Variants in MOB3B observed in about 807,000 individuals in gnomAD.
The protein encoded by MOB3B is MOB kinase activator-like 2B.
MOB3B carries 7 observed loss-of-function variants against 18.7 expected under a neutral mutation model. That is an observed-to-expected ratio of 0.37 (90% CI 0.21 to 0.70). MOB3B has a LOEUF of 0.70. MOB3B is among the 30% of genes least tolerant of loss of function. MOB3B has a pLI of 0.52. For synonymous variants in MOB3B, 111 were observed against 99.9 expected (o/e 1.11, Z -0.66); for missense variants, 253 against 281.3 (o/e 0.90, Z 0.72).
intron 3 of MOB3B, among the ~76,000 whole-genome samples, chr9:27,351,186 AGCCACCAC>A (rs1821100606): frequency 6.6e-6 from 1 of 152,082 alleles, no homozygotes; most frequent in African/African-American, 2.4e-5. Context: ...TACAGGCGTG[AGCCACCAC>A]GCCTGGCCCA....
chr9:27,488,755 T>C (rs1186064528), intron 1 of MOB3B, among the ~76,000 whole-genome samples: 1 of 152,212 alleles, frequency 6.6e-6, no homozygotes, highest in Non-Finnish European at 1.5e-5. Context: ...CGAGTAGCAC[T>C]GACAACCAAA....
intron 2 of MOB3B, among the ~76,000 whole-genome samples, chr9:27,382,877 T>C (rs931075828): frequency 7.2e-5 from 11 of 152,058 alleles, no homozygotes; most frequent in African/African-American, 2.4e-4. Context: ...CACAATAATC[T>C]CATGAACTTC....
chr9:27,504,807 T>C (rs1198819779), intron 1 of MOB3B, among the ~76,000 whole-genome samples: 1 of 152,246 alleles, frequency 6.6e-6, no homozygotes, highest in Non-Finnish European at 1.5e-5. Context: ...AAGGTGATTT[T>C]ACAGTTTGGA....
chr9:27,478,810 GACACACACACAC>G (rs34976107), intron 1 of MOB3B, among the ~76,000 whole-genome samples: 28 of 141,408 alleles, frequency 2.0e-4, no homozygotes, highest in Admixed American at 7.8e-4. Context: ...GGATTAAAAA[GACACACACACAC>G]ACACACACAC....
intron 1 of MOB3B, among the ~76,000 whole-genome samples, chr9:27,464,810 A>C (rs1190589044): frequency 6.6e-6 from 1 of 152,088 alleles, no homozygotes; most frequent in Non-Finnish European, 1.5e-5. Flanking sequence ...AGAAGCAAAA[A>C]AAGAGACCCC....
At chr9:27,366,409 C>T (rs1409185818) in intron 2 of MOB3B, among the ~76,000 whole-genome samples, 3 of 152,182 alleles carry the variant, frequency 2.0e-5, no homozygotes, top group African/African-American at 7.2e-5. Flanking sequence ...CTTCCTCTTT[C>T]CCTCCTGCCC....
chr9:27,458,870 G>A (rs1819232799), intron 1 of MOB3B, among the ~76,000 whole-genome samples: 2 of 152,128 alleles, frequency 1.3e-5, no homozygotes, highest in South Asian at 4.2e-4. Context: ...TACAGACAAG[G>A]AAACAGAGAC....
intron 2 of MOB3B, among the ~76,000 whole-genome samples, chr9:27,359,861 A>C (rs1821248343): frequency 6.6e-6 from 1 of 152,222 alleles, no homozygotes; most frequent in Non-Finnish European, 1.5e-5. Context: ...TCAGTAAAGC[A>C]ACAAATTGCA....
chr9:27,466,824 G>A lies in MOB3B; in HGVS notation c.-198-11076C>T, dbSNP rs553666892. Among the ~76,000 whole-genome samples the A allele has an allele frequency of 1.2e-3, 179 of 152,220 alleles. 1 individual carries two copies. Among genetic ancestry groups the A allele is most frequent in the African/African-American group, 4.0e-3 (167 of 41,526 alleles). Reference sequence around the variant, plus strand: ...GATTCAATTATCTCCCCTTGGGTCCGTCCTACAATATGTGGGAATTTTGGG... The same window carrying A: ...GATTCAATTATCTCCCCTTGGGTCCATCCTACAATATGTGGGAATTTTGGG... On this transcript the variant is annotated intron_variant, in intron 1 of 3. Transcript: ENST00000262244.
At chr9:27,349,124 G>T (rs546600520) in intron 3 of MOB3B, among the ~76,000 whole-genome samples, 1 of 152,284 alleles carries the variant, frequency 6.6e-6, no homozygotes, top group South Asian at 2.1e-4. Flanking sequence ...AATGTAATAG[G>T]ACTCTATTAG....
chr9:27,410,433 T>C (rs1822049690), intron 2 of MOB3B, among the ~76,000 whole-genome samples: 1 of 152,140 alleles, frequency 6.6e-6, no homozygotes, highest in South Asian at 2.1e-4. Flanking sequence ...AGTTTTTAGA[T>C]AGACCTATAA....
Position 27,469,502 on chromosome 9 carries a change from G to A in MOB3B, c.-198-13754C>T, listed in dbSNP as rs142910824. Among the ~76,000 whole-genome samples, 1,197 of 152,202 alleles carry A rather than the reference G, an allele frequency of 7.9e-3. 9 individuals carry two copies. Among genetic ancestry groups the A allele is most frequent in the Middle Eastern group, 0.041 (12 of 294 alleles). On this transcript the variant is annotated intron_variant, in intron 1 of 3. Coordinates refer to ENST00000262244, the MANE Select transcript of MOB3B (RefSeq NM_024761.5). ...GAACTTTGATCCTGCTACCCATTCC[G>A]TGTGCATCTGCTAGGGAGGCCTGAT... is the stretch of plus-strand genomic sequence containing the variant.
intron 1 of MOB3B, among the ~76,000 whole-genome samples, chr9:27,515,842 C>G (rs774057203): frequency 3.3e-4 from 51 of 152,242 alleles, no homozygotes; most frequent in Middle Eastern, 3.4e-3. Context: ...GTGTCTCCCC[C>G]AAAAATATAC....
At chr9:27,459,860 GT>G (rs1352534146) in intron 1 of MOB3B, among the ~76,000 whole-genome samples, 1 of 112,496 alleles carries the variant, frequency 8.9e-6, no homozygotes, top group African/African-American at 3.5e-5. Flanking sequence ...GTTATTTTCT[GT>G]CCTGTTTCAG....
At chr9:27,507,806 A>T (rs2246591) in intron 1 of MOB3B, among the ~76,000 whole-genome samples, 3 of 152,100 alleles carry the variant, frequency 2.0e-5, no homozygotes, top group Non-Finnish European at 2.9e-5. Flanking sequence ...ACCATTTACA[A>T]ATAAAGTCAT....
Position 27,330,523 on chromosome 9 carries a change from T to C in MOB3B, c.*64A>G. The stretch of plus-strand genomic sequence containing the variant: ...GTCATTTCAGCCAGGGTGGTCCACC[T>C]CCTGCCCGCTCAGGGCACCAGGAGG... On this transcript the variant is annotated 3_prime_UTR_variant, in exon 4 of 4. Coordinates refer to ENST00000262244, the MANE Select transcript of MOB3B (RefSeq NM_024761.5). 1 of 1,610,946 alleles carries C rather than the reference T, an allele frequency of 6.2e-7. No individual in the cohort carries two copies. The highest frequency in any genetic ancestry group is 8.5e-7 in the Non-Finnish European group (1 of 1,178,512).
intron 2 of MOB3B, among the ~76,000 whole-genome samples, chr9:27,412,149 CTG>C (rs1166727708): frequency 4.0e-5 from 6 of 149,128 alleles, no homozygotes. Flanking sequence ...CAAAAACAAA[CTG>C]AGGCTTTTCT....
At chr9:27,387,997 G>T (rs1054657793) in intron 2 of MOB3B, among the ~76,000 whole-genome samples, 9 of 152,096 alleles carry the variant, frequency 5.9e-5, no homozygotes, top group Non-Finnish European at 1.0e-4. Context: ...TGTCATAATT[G>T]GGAGTCAGCT....
intron 1 of MOB3B, among the ~76,000 whole-genome samples, chr9:27,522,263 A>AAG (rs1554657331): frequency 3.7e-5 from 5 of 135,082 alleles, no homozygotes; most frequent in African/African-American, 1.3e-4. Context: ...AAAAAAAAAA[A>AAG]AAAGAAAAGA....
Sources: gnomAD v4.1 joint callset for allele counts (sites outside exome capture counted in the v4.1 genomes callset) on GRCh38, gnomAD v4.1.1 for gene constraint, MANE v1.5 for transcripts, NCBI Gene and HGNC (gene_info 2026-07-23, HGNC 2026-07-21) for gene names.